Variants in CPNE8 observed in about 807,000 individuals in gnomAD.
CPNE8 encodes the protein copine 8.
In CPNE8, 45 loss-of-function variants were observed where a neutral mutation model predicts 81.5. The ratio of observed to expected loss-of-function variants is 0.55; its 90% CI spans 0.44 to 0.71. The LOEUF is 0.71. Among genes scored for constraint, CPNE8 ranks in the 30% least tolerant of loss-of-function variants. The pLI, the probability that CPNE8 is intolerant of heterozygous loss-of-function variation, is 0.00. For synonymous variants in CPNE8, 252 were observed against 226.3 expected (o/e 1.11, Z -1.02); for missense variants, 594 against 672.1 (o/e 0.88, Z 1.28).
At chr12:38,706,736 T>G (rs949610202) in intron 13 of CPNE8, among the ~76,000 whole-genome samples, 2 of 152,162 alleles carry the variant, frequency 1.3e-5, no homozygotes, top group Non-Finnish European at 2.9e-5. Context: ...TTGATTCAAC[T>G]CTCTCTTGCA....
At chr12:38,732,806 A>G (rs938402186) in intron 10 of CPNE8, among the ~76,000 whole-genome samples, 2 of 152,000 alleles carry the variant, frequency 1.3e-5, no homozygotes, top group East Asian at 1.9e-4. Flanking sequence ...TCAGAATAAG[A>G]TAGAACATAC....
At chr12:38,819,761 C>T (rs1272324428) in intron 6 of CPNE8, among the ~76,000 whole-genome samples, 1 of 108,956 alleles carries the variant, frequency 9.2e-6, no homozygotes, top group East Asian at 2.4e-4. Flanking sequence ...AGCAAGACTC[C>T]GTCTCAAAAA....
intron 1 of CPNE8, among the ~76,000 whole-genome samples, chr12:38,889,575 C>T (rs1221209208): frequency 6.6e-6 from 1 of 152,154 alleles, no homozygotes; most frequent in Non-Finnish European, 1.5e-5. Flanking sequence ...ATCCTGATGA[C>T]TCATTATACA....
At chr12:38,668,045 C>T (rs575863153) in intron 19 of CPNE8, among the ~76,000 whole-genome samples, 7 of 152,172 alleles carry the variant, frequency 4.6e-5, no homozygotes, top group African/African-American at 7.2e-5. Flanking sequence ...GTGATCCTCC[C>T]GCCCTGGCCT....
At chr12:38,750,206 G>A (rs1393611518) in intron 10 of CPNE8, among the ~76,000 whole-genome samples, 1 of 152,186 alleles carries the variant, frequency 6.6e-6, no homozygotes, top group Admixed American at 6.5e-5. Context: ...CAAGAATTGA[G>A]GTTTGGGAAC....
At chr12:38,763,580 A>G (rs1290831344) in intron 8 of CPNE8, among the ~76,000 whole-genome samples, 3 of 152,206 alleles carry the variant, frequency 2.0e-5, no homozygotes, top group Non-Finnish European at 4.4e-5. Context: ...GCAATTCACA[A>G]TATGGGGCAG....
intron 15 of CPNE8, 35 bp from the exon 16 acceptor site, chr12:38,685,652 A>T: frequency 6.3e-7 from 1 of 1,599,124 alleles, no homozygotes; most frequent in Non-Finnish European, 8.5e-7. Flanking sequence ...AAACAAAACA[A>T]CAGTAAAAAA....
chr12:38,796,783 C>T (rs191479181), intron 6 of CPNE8, among the ~76,000 whole-genome samples: 5 of 152,018 alleles, frequency 3.3e-5, no homozygotes, highest in African/African-American at 9.7e-5. Context: ...AGGGAGTTCC[C>T]TTTCCTAGTC....
At chr12:38,760,778 G>T in intron 10 of CPNE8, 69 bp downstream of exon 10, 2 of 1,150,660 alleles carry the variant, frequency 1.7e-6, no homozygotes, top group Non-Finnish European at 2.6e-6. Flanking sequence ...TTAAAAATGT[G>T]GTCATTTCAA....
chr12:38,860,922 G>A (rs1943822159), intron 3 of CPNE8, among the ~76,000 whole-genome samples: 1 of 152,146 alleles, frequency 6.6e-6, no homozygotes, highest in African/African-American at 2.4e-5. Flanking sequence ...GAGATCTGCT[G>A]TACAGCATGG....
intron 8 of CPNE8, among the ~76,000 whole-genome samples, chr12:38,766,562 T>C (rs185491452): frequency 6.6e-6 from 1 of 152,246 alleles, no homozygotes; most frequent in Admixed American, 6.5e-5. Context: ...CATCTCCCAA[T>C]AAGTAGACCA....
In CPNE8 at chr12:38,762,136, GCT is replaced by G; in HGVS notation, c.654_655del (p.Arg218SerfsTer4). 9.4e-6 allele frequency: 15 copies of G among 1,589,694 alleles called. No individual in the cohort carries two copies. Among genetic ancestry groups the G allele is most frequent in the Non-Finnish European group, 1.3e-5 (15 of 1,164,502 alleles). On this transcript the variant is annotated frameshift_variant, in exon 9 of 20. Coordinates refer to ENST00000331366, the MANE Select transcript of CPNE8 (RefSeq NM_153634.3). LOFTEE classifies it high-confidence loss of function. ...CCTGTCATAGTCTCCATTACATAAT[GCT>G]CTGACTGAGATCTTGAATGCTTGCC...
rs774610373 is a variant in CPNE8 at position 38,848,675 on chromosome 12, A to G, written c.187-13T>C. 2.0e-5 allele frequency: 31 copies of G among 1,577,076 alleles called. No homozygotes were observed. The highest frequency in any genetic ancestry group is 2.8e-5 in the African/African-American group (2 of 72,392). On this transcript the variant is annotated splice_polypyrimidine_tract_variant and intron_variant, in intron 3 of 19. Coordinates refer to ENST00000331366, the MANE Select transcript of CPNE8 (RefSeq NM_153634.3). Reference sequence around the variant, plus strand: ...CAGTTCTTCCAAACTGTGGAAAGAGAGAGAGAATTTAAAATTAAACCTTGT... The same window carrying G: ...CAGTTCTTCCAAACTGTGGAAAGAGGGAGAGAATTTAAAATTAAACCTTGT...
At chr12:38,676,603 C>A (rs1045552209) in intron 17 of CPNE8, among the ~76,000 whole-genome samples, 3 of 152,160 alleles carry the variant, frequency 2.0e-5, no homozygotes, top group Admixed American at 2.0e-4. Context: ...TACTGTTATG[C>A]ACTAAATATC....
At chr12:38,732,346 C>T (rs1250596488) in intron 10 of CPNE8, among the ~76,000 whole-genome samples, 3 of 151,920 alleles carry the variant, frequency 2.0e-5, no homozygotes, top group Non-Finnish European at 2.9e-5. Flanking sequence ...ATAACAAATC[C>T]CGACCCAACT....
At chr12:38,775,049 C>G (rs1941898627) in intron 7 of CPNE8, among the ~76,000 whole-genome samples, 1 of 152,262 alleles carries the variant, frequency 6.6e-6, no homozygotes, top group East Asian at 1.9e-4. Context: ...CTGACAATAT[C>G]ATATGATTCC....
At position 38,652,583 on chromosome 12, in the gene CPNE8, G is replaced by A. The variant is rs1938723079; in HGVS notation, c.*1299C>T. ...ATAGGTAAGGAAAAAATATTATAAA[G>A]CAGTTACATTTTTGACACACACACA... On this transcript the variant is annotated 3_prime_UTR_variant, in exon 20 of 20. Transcript: ENST00000331366. 1 of 152,258 alleles carries A rather than the reference G, an allele frequency of 6.6e-6. No individual in the cohort carries two copies. Among genetic ancestry groups the A allele is most frequent in the Non-Finnish European group, 1.5e-5 (1 of 67,906 alleles). 9.4% of individuals were successfully genotyped at this position (152,258 alleles called of 1,614,324 possible).
intron 3 of CPNE8, 55 bp downstream of exon 3, chr12:38,872,949 A>C: frequency 1.0e-6 from 1 of 982,952 alleles, no homozygotes; most frequent in South Asian, 1.4e-5. Flanking sequence ...TGATCAAGTT[A>C]TAACTTACTG....
chr12:38,865,450 C>A (rs1266005569), intron 3 of CPNE8, among the ~76,000 whole-genome samples: 2 of 152,168 alleles, frequency 1.3e-5, no homozygotes, highest in African/African-American at 4.8e-5. Context: ...CATGCAGCAA[C>A]AGGCATGAAC....
Sources: allele counts gnomAD v4.1 joint callset (sites outside exome capture counted in the v4.1 genomes callset), GRCh38; gene constraint gnomAD v4.1.1; transcripts MANE v1.5; gene names NCBI Gene and HGNC (gene_info 2026-07-23, HGNC 2026-07-21).